Variants in DIP2C observed in about 807,000 individuals in gnomAD.
The protein encoded by DIP2C is DIP2 acetate--CoA ligase C (putative), also known as disco-interacting protein 2 homolog C.
A neutral mutation model predicts 192.4 loss-of-function variants in DIP2C; 33 were observed. That is an observed-to-expected ratio of 0.17 (90% CI 0.13 to 0.23). The LOEUF (loss-of-function observed/expected upper bound fraction) is 0.23. Among genes scored for constraint, DIP2C ranks in the 10% least tolerant of loss-of-function variants. The probability of loss-of-function intolerance (pLI) is 1.00; values close to 1 mark genes in which losing one functional copy is unlikely to be tolerated. For synonymous variants in DIP2C, 979 were observed against 864.1 expected, an observed-to-expected ratio of 1.13 and a Z score of -2.33; for missense variants, 1,537 against 2,110.1, an observed-to-expected ratio of 0.73 and a Z score of 5.32.
Position 369,834 on chromosome 10 carries a change from C to T in DIP2C, c.1992-201G>A, listed in dbSNP as rs535614982. 3.3e-5 allele frequency: 43 copies of T among 1,306,714 alleles called. No homozygotes were observed. In the African/African-American group the frequency reaches 4.7e-4, roughly 14 times the overall value. 80.9% of individuals were successfully genotyped at this position (1,306,714 alleles called of 1,614,324 possible). A position where few individuals can be genotyped will look rare whatever the true frequency, so the allele number is the denominator to read the frequency against. ...CAGCTGGCAGCGAGTCTACTGCTTC[C>T]GCCTCTACATTCCCAGGGAATCCCA... On this transcript the variant is annotated intron_variant, in intron 17 of 36. Transcript: ENST00000280886.
intron 36 of DIP2C, among the ~76,000 whole-genome samples, chr10:280,329 G>T (rs1024146684): frequency 1.3e-5 from 2 of 152,330 alleles, no homozygotes; most frequent in Admixed American, 6.5e-5. Context: ...TGAGAGTGCA[G>T]AACATACCTC....
chr10:348,498 G>A, intron 26 of DIP2C, 143 bp downstream of exon 26: 1 of 1,318,060 alleles, frequency 7.6e-7, no homozygotes, highest in Non-Finnish European at 1.0e-6. Flanking sequence ...TGCAGGTAGA[G>A]ACCCTGTCCT....
intron 1 of DIP2C, among the ~76,000 whole-genome samples, chr10:532,751 G>A (rs1000694502): frequency 7.5e-6 from 1 of 133,324 alleles, no homozygotes; most frequent in South Asian, 2.4e-4. Flanking sequence ...GAGAGAGTAT[G>A]GGTGTGTGAG....
chr10:577,392 T>C (rs747983747), intron 1 of DIP2C, among the ~76,000 whole-genome samples: 17 of 152,252 alleles, frequency 1.1e-4, no homozygotes, highest in Non-Finnish European at 5.9e-5. Flanking sequence ...TTTAAGTCAG[T>C]ACCCTTTCTA....
intron 1 of DIP2C, among the ~76,000 whole-genome samples, chr10:633,514 G>A (rs1024591545): frequency 6.8e-5 from 10 of 146,780 alleles, no homozygotes; most frequent in South Asian, 2.1e-4. Flanking sequence ...CCCTGCCTCC[G>A]GCCGGTGCCC....
At chr10:665,337 T>C (rs1329039220) in intron 1 of DIP2C, 2 of 152,194 alleles carry the variant, frequency 1.3e-5, no homozygotes, top group African/African-American at 4.8e-5. Flanking sequence ...CATTAGGACA[T>C]TGTTCTAGGT....
At chr10:632,223 C>T (rs1854560086) in intron 1 of DIP2C, among the ~76,000 whole-genome samples, 1 of 152,194 alleles carries the variant, frequency 6.6e-6, no homozygotes, top group Non-Finnish European at 1.5e-5. Flanking sequence ...CGCGGTGGCC[C>T]AGTATAGGTC....
intron 2 of DIP2C, among the ~76,000 whole-genome samples, chr10:482,129 G>A (rs1843657374): frequency 6.6e-6 from 1 of 152,218 alleles, no homozygotes; most frequent in Non-Finnish European, 1.5e-5. Context: ...ATGCCACCTG[G>A]ACACGGCCAA....
chr10:484,877 A>G (rs750543186), intron 2 of DIP2C: 1 of 1,611,908 alleles, frequency 6.2e-7, no homozygotes, highest in Admixed American at 1.7e-5. Flanking sequence ...ATGTGGGCAG[A>G]GCGGAATGTT....
chr10:495,458 G>C (rs932961961), intron 1 of DIP2C, among the ~76,000 whole-genome samples: 1 of 151,998 alleles, frequency 6.6e-6, no homozygotes, highest in Non-Finnish European at 1.5e-5. Context: ...TAGCTTGAAG[G>C]GGCAGGAAAA....
chr10:517,375 G>A (rs143988334), intron 1 of DIP2C, among the ~76,000 whole-genome samples: 47 of 152,220 alleles, frequency 3.1e-4, no homozygotes, highest in African/African-American at 1.1e-3. Context: ...GGGAGTCGAG[G>A]GCAGTCCTGA....
chr10:641,139 C>CAA (rs11441421), intron 1 of DIP2C, among the ~76,000 whole-genome samples: 3,333 of 146,818 alleles, frequency 0.023, 102 homozygotes, highest in African/African-American at 0.071. Flanking sequence ...TTGCTAATTG[C>CAA]AAAAAAAAAA....
At chr10:373,834 G>A (rs1045641282) in intron 17 of DIP2C, among the ~76,000 whole-genome samples, 2 of 152,168 alleles carry the variant, frequency 1.3e-5, no homozygotes, top group Non-Finnish European at 2.9e-5. Context: ...GTAAGATCAT[G>A]CGCTTGCCCT....
chr10:649,519 G>A (rs1855723489), intron 1 of DIP2C, among the ~76,000 whole-genome samples: 1 of 152,198 alleles, frequency 6.6e-6, no homozygotes, highest in Non-Finnish European at 1.5e-5. Flanking sequence ...AAAACTAAGT[G>A]ACTGTAAAAT....
chr10:529,859 G>A (rs867250595), intron 1 of DIP2C, among the ~76,000 whole-genome samples: 18 of 152,270 alleles, frequency 1.2e-4, no homozygotes, highest in Middle Eastern at 6.8e-3. Flanking sequence ...GGCTCATCGC[G>A]GCCTTGACTT....
At chr10:371,759 G>T (rs1454613411) in intron 17 of DIP2C, among the ~76,000 whole-genome samples, 1 of 151,884 alleles carries the variant, frequency 6.6e-6, no homozygotes, top group African/African-American at 2.4e-5. Flanking sequence ...CCTGGGGTGG[G>T]CCCCCTCAGC....
At chr10:627,132 G>A (rs1180011285) in intron 1 of DIP2C, among the ~76,000 whole-genome samples, 17 of 152,246 alleles carry the variant, frequency 1.1e-4, no homozygotes, top group Admixed American at 7.2e-4. Context: ...CCCCGCACAC[G>A]CAGTGGCTCT....
At chr10:567,477 C>T (rs1432711493) in intron 1 of DIP2C, among the ~76,000 whole-genome samples, 1 of 152,024 alleles carries the variant, frequency 6.6e-6, no homozygotes. Flanking sequence ...TTAACAGCCA[C>T]CCCTGCTCCC....
At chr10:541,227 G>A (rs571709766) in intron 1 of DIP2C, among the ~76,000 whole-genome samples, 5 of 152,234 alleles carry the variant, frequency 3.3e-5, no homozygotes, top group East Asian at 3.9e-4. Flanking sequence ...GGCCACCACC[G>A]CCGACATCCA....
Sources: gnomAD v4.1 joint callset for allele counts (sites outside exome capture counted in the v4.1 genomes callset) on GRCh38, gnomAD v4.1.1 for gene constraint, MANE v1.5 for transcripts, NCBI Gene and HGNC (gene_info 2026-07-23, HGNC 2026-07-21) for gene names.